Variants in RAB11FIP2 observed in about 807,000 individuals in gnomAD.
RAB11FIP2 encodes the protein RAB11 family interacting protein 2.
In RAB11FIP2, 16 loss-of-function variants were observed where a neutral mutation model predicts 40.9. The ratio of observed to expected loss-of-function variants is 0.39; its 90% CI spans 0.26 to 0.59. RAB11FIP2 has a LOEUF of 0.59. Among genes scored for constraint, RAB11FIP2 ranks in the 20% least tolerant of loss-of-function variants. The pLI is 0.53. For synonymous variants in RAB11FIP2, 228 were observed against 213.7 expected, an observed-to-expected ratio of 1.07 and a Z score of -0.58; for missense variants, 532 against 606.2, an observed-to-expected ratio of 0.88 and a Z score of 1.28.
At chr10:118,041,416 G>A (rs1304424190) in intron 1 of RAB11FIP2, among the ~76,000 whole-genome samples, 1 of 151,966 alleles carries the variant, frequency 6.6e-6, no homozygotes, top group Admixed American at 6.6e-5. Flanking sequence ...TATACAAGAA[G>A]CAATATTTTG....
In RAB11FIP2 at chr10:118,034,176, A is replaced by G. The variant is rs1005295221; in HGVS notation, c.1265+4796T>C. 9.4e-6 allele frequency: 6 copies of G among 637,436 alleles called. No homozygotes were observed. In the African/African-American group the frequency reaches 1.1e-4, roughly 11 times the overall value. The allele number at this position is 637,436 out of a possible 1,614,324, so 39.5% of individuals were successfully genotyped here. On this transcript the variant is annotated intron_variant, in intron 3 of 4. Transcript: ENST00000355624. ...CGAACAAAACTTTACAAAAACTGGC[A>G]GCAAGCCAGATTTGGCCTCCAAGCT...
At chr10:118,035,622 C>CT (rs1846471764) in intron 3 of RAB11FIP2, among the ~76,000 whole-genome samples, 1 of 152,112 alleles carries the variant, frequency 6.6e-6, no homozygotes, top group Non-Finnish European at 1.5e-5. Context: ...TTCAAAATAT[C>CT]TAATACCTGC....
intron 3 of RAB11FIP2, among the ~76,000 whole-genome samples, chr10:118,033,064 T>A (rs376315295): frequency 6.6e-6 from 1 of 151,962 alleles, no homozygotes; most frequent in South Asian, 2.1e-4. Flanking sequence ...TTATCATAGG[T>A]ATATATGTAT....
At chr10:118,042,824 T>C (rs1255858645) in intron 1 of RAB11FIP2, among the ~76,000 whole-genome samples, 2 of 152,074 alleles carry the variant, frequency 1.3e-5, no homozygotes, top group East Asian at 1.9e-4. Flanking sequence ...ATAATGTCCA[T>C]TCCCCACCCC....
In RAB11FIP2 at chr10:118,046,025, A is replaced by T. The variant is rs749429498; in HGVS notation, c.139T>A (p.Tyr47Asn). The T allele has an allele frequency of 6.2e-7, 1 of 1,614,202 alleles. No homozygotes were observed. Among genetic ancestry groups the T allele is most frequent in the Non-Finnish European group, 8.5e-7 (1 of 1,180,042 alleles). The change falls in exon 1 of 5, where the codon TAC (tyrosine) becomes AAC (asparagine). Residue 47 changes from tyrosine (Y) to asparagine (N), a missense_variant. Tyr to Asn is a moderately radical substitution (Grantham distance 143). Transcript: ENST00000355624. ...GTTTTCTCAGCTACAGAGGTGGAGT[A>T]CTTTTCCTTGCCCAGCTGAATTATA... ...YTIIQLGKEKYSTSVAEKTLE... is the reference protein window; with the variant it reads ...YTIIQLGKEKNSTSVAEKTLE...
intron 2 of RAB11FIP2, 34 bp downstream of exon 2, chr10:118,040,089 C>G: frequency 6.4e-7 from 1 of 1,558,194 alleles, no homozygotes; most frequent in Non-Finnish European, 8.7e-7. Flanking sequence ...AAGGGTAGTT[C>G]AGACCAATGA....
At chr10:118,010,743 G>A (rs969341304) in intron 4 of RAB11FIP2, among the ~76,000 whole-genome samples, 3 of 152,070 alleles carry the variant, frequency 2.0e-5, no homozygotes, top group African/African-American at 4.8e-5. Context: ...TACAGCTTGC[G>A]CTAGGCCTTC....
rs977418501 is a variant in RAB11FIP2 at position 118,009,234 on chromosome 10, G to A, written c.1312-9C>T. 2 of 1,592,052 alleles carry A rather than the reference G, an allele frequency of 1.3e-6. No homozygotes were observed. The highest frequency in any genetic ancestry group is 1.7e-6 in the Non-Finnish European group (2 of 1,162,726). On this transcript the variant is annotated splice_polypyrimidine_tract_variant and intron_variant, in intron 4 of 4. Coordinates refer to ENST00000355624, the MANE Select transcript of RAB11FIP2 (RefSeq NM_014904.3). ...TCAAAGGGGTTGCTGTCCTAGAACAGGATAAAGACTGTCACTTTCATAGAT... is the reference window on the plus strand; with the variant it reads ...TCAAAGGGGTTGCTGTCCTAGAACAAGATAAAGACTGTCACTTTCATAGAT...
chr10:118,015,141 T>C (rs766282746), intron 3 of RAB11FIP2, 31 bp from the exon 4 acceptor site: 38 of 1,563,814 alleles, frequency 2.4e-5, no homozygotes, highest in Non-Finnish European at 3.3e-5. Context: ...GTTAAAAGTG[T>C]CATAACTCAT....
At position 118,034,033 on chromosome 10, in the gene RAB11FIP2, A is replaced by G. The variant is rs1456399543; in HGVS notation, c.1265+4939T>C. The G allele has an allele frequency of 7.1e-6, 5 of 701,886 alleles. No individual in the cohort carries two copies. In the East Asian group the frequency reaches 1.3e-4, roughly 19 times the overall value. The allele number at this position is 701,886 out of a possible 1,614,324, so 43.5% of individuals were successfully genotyped here. A position where few individuals can be genotyped will look rare whatever the true frequency, so the allele number is the denominator to read the frequency against. On this transcript the variant is annotated intron_variant, in intron 3 of 4. Coordinates refer to ENST00000355624, the MANE Select transcript of RAB11FIP2 (RefSeq NM_014904.3). Reference sequence around the variant, plus strand: ...CCATTCAGCTACTGCAGGGGTCAGCAAAGTATTTCTGTAAAGCCCAAACAA... The same window carrying G: ...CCATTCAGCTACTGCAGGGGTCAGCGAAGTATTTCTGTAAAGCCCAAACAA...
intron 3 of RAB11FIP2, among the ~76,000 whole-genome samples, chr10:118,033,110 T>A (rs147935208): frequency 2.0e-5 from 3 of 152,132 alleles, no homozygotes; most frequent in Non-Finnish European, 4.4e-5. Flanking sequence ...GGTTCGGAAC[T>A]GTGCCTGGTT....
chr10:118,014,064 T>C (rs1846188012), intron 4 of RAB11FIP2, among the ~76,000 whole-genome samples: 2 of 152,114 alleles, frequency 1.3e-5, no homozygotes, highest in South Asian at 2.1e-4. Flanking sequence ...ATCGTTTAAA[T>C]AAAACAGCAA....
chr10:118,018,978 GA>G (rs1318511168), intron 3 of RAB11FIP2, among the ~76,000 whole-genome samples: 1 of 150,842 alleles, frequency 6.6e-6, no homozygotes, highest in African/African-American at 2.4e-5. Context: ...ACCTAAGGAG[GA>G]GAAACTATTC....
chr10:118,016,343 G>T (rs186113198), intron 3 of RAB11FIP2, among the ~76,000 whole-genome samples: 9 of 152,304 alleles, frequency 5.9e-5, no homozygotes, highest in Non-Finnish European at 1.2e-4. Flanking sequence ...GGCCTGTGTG[G>T]CTGGCACATT....
intron 3 of RAB11FIP2, among the ~76,000 whole-genome samples, chr10:118,020,552 C>G (rs1846271820): frequency 6.6e-6 from 1 of 152,222 alleles, no homozygotes; most frequent in South Asian, 2.1e-4. Context: ...GAGGATGGAG[C>G]ACTGAAAGCA....
Position 118,008,937 on chromosome 10 carries a change from C to T in RAB11FIP2, c.*61G>A, listed in dbSNP as rs1484113981. ...AGTCTCTTTCAGTAACAAGTTTTTC[C>T]TTCCTTCCTTCTTTCTTTCTCTCTC... On this transcript the variant is annotated 3_prime_UTR_variant, in exon 5 of 5. Coordinates refer to ENST00000355624, the MANE Select transcript of RAB11FIP2 (RefSeq NM_014904.3). 11 of 1,111,790 alleles carry T rather than the reference C, an allele frequency of 9.9e-6. No individual in the cohort carries two copies. Among genetic ancestry groups the T allele is most frequent in the African/African-American group, 7.9e-5 (5 of 63,442 alleles). 68.9% of individuals were successfully genotyped at this position (1,111,790 alleles called of 1,614,324 possible).
At chr10:118,017,513 T>C (rs1386839114) in intron 3 of RAB11FIP2, 2 of 152,100 alleles carry the variant, frequency 1.3e-5, no homozygotes, top group Non-Finnish European at 2.9e-5. Flanking sequence ...TCTGCAAACA[T>C]ATGGCGTGGC....
rs766089853 is a variant in RAB11FIP2, at chr10:118,039,293, A to G, written c.944T>C (p.Phe315Ser). The G allele has an allele frequency of 6.2e-7, 1 of 1,613,422 alleles. No homozygotes were observed. The highest frequency in any genetic ancestry group is 8.5e-7 in the Non-Finnish European group (1 of 1,179,712). ...TNVTASLPQK[F>S]ATLPRKKNPF... Reference sequence around the variant, plus strand: ...ATTTTTCTTCCTTGGCAGTGTTGCAAATTTTTGGGGTAATGAAGCAGTCAC... The same window carrying G: ...ATTTTTCTTCCTTGGCAGTGTTGCAGATTTTTGGGGTAATGAAGCAGTCAC... Residue 315 changes from phenylalanine to serine, a missense_variant, in exon 3 of 5, where the codon TTT (phenylalanine) becomes TCT (serine). Coordinates refer to ENST00000355624, the MANE Select transcript of RAB11FIP2 (RefSeq NM_014904.3).
chr10:118,034,651 A>G (rs1052238828), intron 3 of RAB11FIP2, among the ~76,000 whole-genome samples: 1 of 152,150 alleles, frequency 6.6e-6, no homozygotes, highest in African/African-American at 2.4e-5. Flanking sequence ...ATAAAGCATG[A>G]AAAAAATTAG....
Sources: gnomAD v4.1 joint callset for allele counts (sites outside exome capture counted in the v4.1 genomes callset) on GRCh38, gnomAD v4.1.1 for gene constraint, MANE v1.5 for transcripts, NCBI Gene and HGNC (gene_info 2026-07-23, HGNC 2026-07-21) for gene names.